Variants in RARB observed in about 807,000 individuals in gnomAD.
RARB encodes the protein HBV-activated protein.
RARB carries 17 observed loss-of-function variants against 51.9 expected under a neutral mutation model. The observed-to-expected ratio is 0.33, with a 90% CI of 0.22 to 0.49. The LOEUF (loss-of-function observed/expected upper bound fraction) is 0.49, where lower values mean the gene tolerates loss of function less well. Ranked by LOEUF, RARB falls within the 20% of genes least tolerant of loss-of-function variation. RARB has a pLI of 0.99. For synonymous variants in RARB, 215 were observed against 195.4 expected, an observed-to-expected ratio of 1.10 and a Z score of -0.84; for missense variants, 369 against 550.8, an observed-to-expected ratio of 0.67 and a Z score of 3.30.
intron 4 of RARB, among the ~76,000 whole-genome samples, chr3:25,164,647 TA>T (rs1700531444): frequency 1.3e-5 from 2 of 152,354 alleles, no homozygotes; most frequent in South Asian, 4.1e-4. Flanking sequence ...ATTTAAATAT[TA>T]AATACTTATT....
chr3:25,382,041 C>T (rs979377300), intron 5 of RARB, among the ~76,000 whole-genome samples: 4 of 152,260 alleles, frequency 2.6e-5, no homozygotes, highest in African/African-American at 9.6e-5. Flanking sequence ...TGCAAGATAG[C>T]AATATTCTAA....
intron 5 of RARB, among the ~76,000 whole-genome samples, chr3:25,223,866 A>T (rs116347487): frequency 1.2e-3 from 180 of 152,292 alleles, no homozygotes; most frequent in African/African-American, 4.1e-3. Flanking sequence ...AGTGTATTTT[A>T]TTCTAAATTC....
chr3:24,978,511 A>G (rs1335449825), intron 2 of RARB, among the ~76,000 whole-genome samples: 1 of 152,014 alleles, frequency 6.6e-6, no homozygotes, highest in Admixed American at 6.6e-5. Context: ...GAATTTATCC[A>G]TTTCTTCTAG....
chr3:25,256,320 A>G (rs1702864099), intron 5 of RARB, among the ~76,000 whole-genome samples: 1 of 152,214 alleles, frequency 6.6e-6, no homozygotes, highest in Non-Finnish European at 1.5e-5. Context: ...TCTGAAGAAC[A>G]CACTGTTACC....
At chr3:25,017,299 C>G (rs1697531514) in intron 2 of RARB, among the ~76,000 whole-genome samples, 1 of 143,496 alleles carries the variant, frequency 7.0e-6, no homozygotes, top group Admixed American at 7.2e-5. Flanking sequence ...TAAATAAAAT[C>G]ATCTTTGTGT....
At chr3:24,969,335 T>C (rs1163460835) in intron 2 of RARB, among the ~76,000 whole-genome samples, 1 of 152,070 alleles carries the variant, frequency 6.6e-6, no homozygotes, top group African/African-American at 2.4e-5. Context: ...CTAAATGCTC[T>C]GTGAGGGGCA....
At chr3:25,268,021 T>A (rs777702259) in intron 5 of RARB, among the ~76,000 whole-genome samples, 26 of 152,314 alleles carry the variant, frequency 1.7e-4, no homozygotes, top group Admixed American at 6.5e-4. Flanking sequence ...AAGTCATCAG[T>A]GGTTATAGTG....
chr3:25,330,747 G>C (rs1213860582), intron 5 of RARB, among the ~76,000 whole-genome samples: 1 of 152,166 alleles, frequency 6.6e-6, no homozygotes, highest in Non-Finnish European at 1.5e-5. Context: ...AGACCCATCA[G>C]TGTGCTGTAT....
intron 5 of RARB, among the ~76,000 whole-genome samples, chr3:25,249,007 T>C (rs1034083810): frequency 6.6e-6 from 1 of 152,178 alleles, no homozygotes; most frequent in African/African-American, 2.4e-5. Context: ...TTTCAGCTAT[T>C]ATTTTGTTAA....
intron 5 of RARB, among the ~76,000 whole-genome samples, chr3:25,182,971 G>C (rs1361048948): frequency 6.6e-6 from 1 of 152,046 alleles, no homozygotes; most frequent in Non-Finnish European, 1.5e-5. Context: ...AGCTAGGAGA[G>C]AGACATGGAG....
At chr3:25,500,296 A>G (rs1306491380) in intron 2 of RARB, among the ~76,000 whole-genome samples, 1 of 152,172 alleles carries the variant, frequency 6.6e-6, no homozygotes, top group South Asian at 2.1e-4. Context: ...TTAAATGGGC[A>G]GACACTCATT....
chr3:25,287,229 C>T (rs918568627), intron 5 of RARB, among the ~76,000 whole-genome samples: 1 of 152,176 alleles, frequency 6.6e-6, no homozygotes, highest in African/African-American at 2.4e-5. Context: ...CGCTCCCTTT[C>T]CAGCAGACAC....
At position 24,864,495 on chromosome 3, in the gene RARB, T is replaced by C. The variant is rs1053929697; in HGVS notation, c.-380+5743T>C. Among the ~76,000 whole-genome samples the C allele has an allele frequency of 6.6e-5, 10 of 152,306 alleles. 1 individual carries two copies. The highest frequency in any genetic ancestry group is 2.4e-4 in the African/African-American group (10 of 41,580). On this transcript the variant is annotated intron_variant, in intron 2 of 11. Coordinates refer to the RARB transcript ENST00000383772. Reference sequence around the variant, plus strand: ...CACCTTATTCTGTCTTCTGAATCTATACTTCCAGCCCTGCTGTTTCCTTCG... The same window carrying C: ...CACCTTATTCTGTCTTCTGAATCTACACTTCCAGCCCTGCTGTTTCCTTCG...
intron 5 of RARB, among the ~76,000 whole-genome samples, chr3:25,302,346 T>C (rs1265343258): frequency 6.6e-6 from 1 of 152,226 alleles, no homozygotes; most frequent in Non-Finnish European, 1.5e-5. Context: ...GCATTATTCA[T>C]GATTGTAAAT....
At chr3:25,066,721 C>G (rs1250616246) in intron 3 of RARB, among the ~76,000 whole-genome samples, 1 of 151,372 alleles carries the variant, frequency 6.6e-6, no homozygotes, top group Non-Finnish European at 1.5e-5. Context: ...ACTATATAAA[C>G]ATTGTAGAAA....
chr3:25,339,139 C>G (rs1440979662), intron 5 of RARB, among the ~76,000 whole-genome samples: 2 of 152,192 alleles, frequency 1.3e-5, no homozygotes, highest in Non-Finnish European at 2.9e-5. Context: ...TTGAAACACC[C>G]TTAAAGGAGA....
intron 2 of RARB, among the ~76,000 whole-genome samples, chr3:24,974,319 T>C (rs938722645): frequency 6.6e-6 from 1 of 152,154 alleles, no homozygotes; most frequent in African/African-American, 2.4e-5. Context: ...TTAAACGCAT[T>C]GTTGAATTTA....
At chr3:24,859,036 C>CAAAA (rs1169235713) in intron 2 of RARB, among the ~76,000 whole-genome samples, 2 of 50,306 alleles carry the variant, frequency 4.0e-5, no homozygotes, top group African/African-American at 6.5e-5. Context: ...GACTCTGTCT[C>CAAAA]AAAAAAAAAA....
rs776828357 is a variant in RARB at position 25,217,752 on chromosome 3, C to T, written c.178+43177C>T. On this transcript the variant is annotated intron_variant, in intron 5 of 11. Coordinates refer to the RARB transcript ENST00000383772. ...ATTAATTGAGAATGTGCACTAAGCA[C>T]CTAGCACAATGTCTGCTGCAGAGTA... Among the ~76,000 whole-genome samples the T allele has an allele frequency of 5.8e-4, 89 of 152,296 alleles. 2 individuals are homozygous for T. In the Middle Eastern group the frequency reaches 0.01, roughly 17 times the overall value.
Sources: gnomAD v4.1 joint callset for allele counts (sites outside exome capture counted in the v4.1 genomes callset) on GRCh38, gnomAD v4.1.1 for gene constraint, MANE v1.5 for transcripts, NCBI Gene and HGNC (gene_info 2026-07-23, HGNC 2026-07-21) for gene names.